VAT1: variants seen among roughly 807,000 people sequenced by gnomAD.
VAT1 encodes the protein vesicle amine transport 1.
In VAT1, 24 loss-of-function variants were observed where a neutral mutation model predicts 33.3. The ratio of observed to expected loss-of-function variants is 0.72; its 90% CI spans 0.52 to 1.01. The LOEUF (loss-of-function observed/expected upper bound fraction) is 1.01, where lower values mean the gene tolerates loss of function less well. VAT1 is among the 50% of genes least tolerant of loss of function. VAT1 has a pLI of 0.00. For synonymous variants in VAT1, 212 were observed against 225.0 expected, an observed-to-expected ratio of 0.94 and a Z score of 0.52; for missense variants, 436 against 533.7, an observed-to-expected ratio of 0.82 and a Z score of 1.80.
rs934911211 is a variant in VAT1 at position 43,020,267 on chromosome 17, A to G, written c.388-1468T>C. ...CTCCCCGCAGAATCCAGGCTCTTACATCAGATTCTTGCCCTGGACAGGATA... is the reference window on the plus strand; with the variant it reads ...CTCCCCGCAGAATCCAGGCTCTTACGTCAGATTCTTGCCCTGGACAGGATA... On this transcript the variant is annotated intron_variant, in intron 1 of 5. Coordinates refer to ENST00000355653, the MANE Select transcript of VAT1 (RefSeq NM_006373.4). 38 of 985,304 alleles carry G rather than the reference A, an allele frequency of 3.9e-5. No individual in the cohort carries two copies. In the African/African-American group the frequency reaches 6.6e-4, roughly 17 times the overall value. The allele number at this position is 985,304 out of a possible 1,614,324, so 61.0% of individuals were successfully genotyped here. A position where few individuals can be genotyped will look rare whatever the true frequency, so the allele number is the denominator to read the frequency against.
In VAT1 at chr17:43,017,944, G is replaced by A. The variant is rs907209399; in HGVS notation, c.767-14C>T. ...CAATGTCCACTCCTGTCATAGAGTAGGGGAACCCAAGAACAACATTAGGAT... is the reference window on the plus strand; with the variant it reads ...CAATGTCCACTCCTGTCATAGAGTAAGGGAACCCAAGAACAACATTAGGAT... On this transcript the variant is annotated splice_polypyrimidine_tract_variant and intron_variant, in intron 3 of 5. Transcript: ENST00000355653. The A allele has an allele frequency of 1.9e-6, 3 of 1,614,118 alleles. No homozygotes were observed. The highest frequency in any genetic ancestry group is 1.7e-6 in the Non-Finnish European group (2 of 1,179,978).
chr17:43,022,129 T>C lies in VAT1; in HGVS notation c.194A>G (p.Gln65Arg). The C allele has an allele frequency of 6.4e-7, 1 of 1,563,086 alleles. No individual in the cohort carries two copies. Among genetic ancestry groups the C allele is most frequent in the Non-Finnish European group, 8.7e-7 (1 of 1,154,144 alleles). The change falls in exon 1 of 6, where the codon CAG (glutamine) becomes CGG (arginine). Residue 65 changes from glutamine (Q) to arginine (R), a missense_variant. Physicochemically the swap from Gln to Arg is conservative, Grantham distance 43 (BLOSUM62 1). Coordinates refer to ENST00000355653, the MANE Select transcript of VAT1 (RefSeq NM_006373.4). ...GGCCGGGGGCGCTGCCGGCCGGCTC[T>C]GCAGCTTCACCTTGTCGTAGCCTCC... ...GFGGYDKVKL[Q>R]SRPAAPPAPG...
chr17:43,016,557 C>T lies in VAT1; in HGVS notation c.857-9G>A. ...CAGCAGGTTGGCCATTCCTGAAGGA[C>T]AAGGTGACATAGCCTGTGAACCCCC... is the stretch of plus-strand genomic sequence containing the variant. On this transcript the variant is annotated splice_polypyrimidine_tract_variant and intron_variant, in intron 4 of 5. Coordinates refer to ENST00000355653, the MANE Select transcript of VAT1 (RefSeq NM_006373.4). 1.2e-6 allele frequency: 2 copies of T among 1,612,274 alleles called. No individual in the cohort carries two copies. Among genetic ancestry groups the T allele is most frequent in the South Asian group, 1.1e-5 (1 of 90,962 alleles).
intron 4 of VAT1, among the ~76,000 whole-genome samples, chr17:43,017,595 A>C (rs1409765457): frequency 2.0e-5 from 3 of 151,812 alleles, no homozygotes; most frequent in African/African-American, 7.3e-5. Context: ...AAAAAAAAAA[A>C]AAAAAAAAAG....
chr17:43,018,337 C>G, intron 2 of VAT1, 131 bp from the exon 3 acceptor site: 1 of 1,172,308 alleles, frequency 8.5e-7, no homozygotes, highest in Admixed American at 2.5e-5. Flanking sequence ...TGTCTAATTT[C>G]CATGACTGAG....
At chr17:43,019,103 C>T (rs149370958) in intron 1 of VAT1, 10 of 397,850 alleles carry the variant, frequency 2.5e-5, no homozygotes, top group Non-Finnish European at 4.6e-5. Flanking sequence ...TTACATGTCA[C>T]TATTGTGTAA....
In VAT1 at chr17:43,015,902, C is replaced by T. The variant is rs1354072640; in HGVS notation, c.*159G>A. ...CCCAACCTCTTCAGAGGTCAGGAAG[C>T]GGGGAGGGGCAGGGGAGAGCGGTCA... On this transcript the variant is annotated 3_prime_UTR_variant, in exon 6 of 6. Transcript: ENST00000355653. 1.0e-5 allele frequency: 8 copies of T among 791,112 alleles called. No homozygotes were observed. The highest frequency in any genetic ancestry group is 4.9e-5 in the South Asian group (3 of 60,836). 49.0% of individuals were successfully genotyped at this position (791,112 alleles called of 1,614,324 possible). A position where few individuals can be genotyped will look rare whatever the true frequency, so the allele number is the denominator to read the frequency against.
chr17:43,020,892 A>G (rs1268816218), intron 1 of VAT1, among the ~76,000 whole-genome samples: 11 of 150,596 alleles, frequency 7.3e-5, no homozygotes, highest in East Asian at 1.9e-4. Context: ...AAAAAAAAAA[A>G]AAAGAAAAAG....
intron 1 of VAT1, 141 bp downstream of exon 1, chr17:43,021,795 T>G: frequency 6.9e-7 from 1 of 1,445,486 alleles, no homozygotes. Flanking sequence ...AAACACAAGT[T>G]CCTTGGCTAC....
At chr17:43,020,823 C>T (rs1434176267) in intron 1 of VAT1, among the ~76,000 whole-genome samples, 2 of 147,062 alleles carry the variant, frequency 1.4e-5, no homozygotes, top group Non-Finnish European at 3.0e-5. Context: ...TGCGGTGAGC[C>T]GAGATCGCGC....
At chr17:43,016,276 C>T in intron 5 of VAT1, 31 bp downstream of exon 5, 1 of 1,607,056 alleles carries the variant, frequency 6.2e-7, no homozygotes, top group Non-Finnish European at 8.5e-7. Flanking sequence ...GAGTCCTACC[C>T]AAGCCCTCCC....
chr17:43,015,801 G>A lies in VAT1; in HGVS notation c.*260C>T. 1.8e-6 allele frequency: 1 copy of A among 552,448 alleles called. No individual in the cohort carries two copies. Among genetic ancestry groups the A allele is most frequent in the Admixed American group, 3.3e-5 (1 of 30,576 alleles). 34.2% of individuals were successfully genotyped at this position (552,448 alleles called of 1,614,324 possible). On this transcript the variant is annotated 3_prime_UTR_variant, in exon 6 of 6. Transcript: ENST00000355653. ...AGCACAGCAGGCCCGGGGAAAGGGT[G>A]GGGGCAGGAAGCAGCCGGCCTCCCT... is the stretch of plus-strand genomic sequence containing the variant.
chr17:43,021,123 C>A (rs1183535181), intron 1 of VAT1, among the ~76,000 whole-genome samples: 1 of 152,148 alleles, frequency 6.6e-6, no homozygotes, highest in African/African-American at 2.4e-5. Flanking sequence ...AAGTGGGGGT[C>A]CTCTGCAGGA....
intron 4 of VAT1, among the ~76,000 whole-genome samples, chr17:43,017,582 CAAAAAA>C (rs55979457): frequency 3.0e-5 from 2 of 66,476 alleles, no homozygotes; most frequent in South Asian, 5.9e-4. Flanking sequence ...AACTCCATCT[CAAAAAA>C]AAAAAAAAAA....
Position 43,016,377 on chromosome 17 carries a change from G to A in VAT1, c.1028C>T (p.Ala343Val). 2 of 1,613,238 alleles carry A rather than the reference G, an allele frequency of 1.2e-6. No individual in the cohort carries two copies. The highest frequency in any genetic ancestry group is 1.7e-6 in the Non-Finnish European group (2 of 1,180,040). The change falls in exon 5 of 6, where the codon GCC becomes GTC. Residue 343 changes from alanine to valine, a missense_variant. Coordinates refer to ENST00000355653, the MANE Select transcript of VAT1 (RefSeq NM_006373.4). The stretch of plus-strand genomic sequence containing the variant: ...CTGGTTGTACAGAGCCAGGAGGCGG[G>A]CCACCACACCACTGACCAGCTCCAC... ...GEVELVSGVV[A>V]RLLALYNQGH...
At chr17:43,021,828 G>C (rs533051441) in intron 1 of VAT1, 108 bp downstream of exon 1, 2 of 1,498,194 alleles carry the variant, frequency 1.3e-6, no homozygotes, top group African/African-American at 2.8e-5. Context: ...CGTGCACCCA[G>C]GTCCGCGCCA....
chr17:43,017,314 G>T (rs2050528220), intron 4 of VAT1, among the ~76,000 whole-genome samples: 1 of 151,626 alleles, frequency 6.6e-6, no homozygotes, highest in African/African-American at 2.4e-5. Flanking sequence ...CAGGCGTGGT[G>T]GCTCACGCCT....
At chr17:43,020,932 C>T (rs1259774812) in intron 1 of VAT1, among the ~76,000 whole-genome samples, 3 of 151,088 alleles carry the variant, frequency 2.0e-5, no homozygotes, top group South Asian at 2.1e-4. Flanking sequence ...AAACAAATGG[C>T]GTGCTGAGGC....
At position 43,022,022 on chromosome 17, in the gene VAT1, C is replaced by A; in HGVS notation, c.301G>T (p.Asp101Tyr). The change falls in exon 1 of 6, where the codon GAC becomes TAC. Residue 101 changes from aspartate to tyrosine, a missense_variant. Physicochemically the swap from Asp to Tyr is radical, Grantham distance 160. Transcript: ENST00000355653. ...GTGACAGGCAGAGGCGGGAGACGGT[C>A]GTACAGCCCCTGCCTAGCCATGAGG... ...ADLMARQGLY[D>Y]RLPPLPVTPG... 1 of 1,606,964 alleles carries A rather than the reference C, an allele frequency of 6.2e-7. No homozygotes were observed. Among genetic ancestry groups the A allele is most frequent in the African/African-American group, 1.3e-5 (1 of 74,934 alleles).
Sources: gnomAD v4.1 joint callset for allele counts (sites outside exome capture counted in the v4.1 genomes callset) on GRCh38, gnomAD v4.1.1 for gene constraint, MANE v1.5 for transcripts, NCBI Gene and HGNC (gene_info 2026-07-23, HGNC 2026-07-21) for gene names.